The following RSRC1 variants were observed in gnomAD, a reference collection of about 807,000 sequenced individuals.
RSRC1 encodes the protein serine/Arginine-related protein 53.
A neutral mutation model predicts 49.1 loss-of-function variants in RSRC1; 39 were observed. The observed-to-expected ratio is 0.79, with a 90% CI of 0.61 to 1.04. RSRC1 has a LOEUF of 1.04. RSRC1 is among the 50% of genes least tolerant of loss of function. The pLI, the probability that RSRC1 is intolerant of heterozygous loss-of-function variation, is 0.00. For synonymous variants in RSRC1, 143 were observed against 130.8 expected (o/e 1.09, Z -0.63); for missense variants, 388 against 402.4 (o/e 0.96, Z 0.31).
At chr3:158,284,680 A>G (rs1233923094) in intron 4 of RSRC1, among the ~76,000 whole-genome samples, 1 of 151,908 alleles carries the variant, frequency 6.6e-6, no homozygotes, top group African/African-American at 2.4e-5. Flanking sequence ...TTTTGGCTGC[A>G]TAAATGCCTT....
At chr3:158,354,947 G>T in intron 6 of RSRC1, 39 bp downstream of exon 6, 1 of 1,407,524 alleles carries the variant, frequency 7.1e-7, no homozygotes, top group East Asian at 2.5e-5. Context: ...ATGAAGAAGT[G>T]ACGAGTAAAC....
chr3:158,474,631 T>TG (rs1738288849), intron 7 of RSRC1, among the ~76,000 whole-genome samples: 1 of 152,222 alleles, frequency 6.6e-6, no homozygotes, highest in Non-Finnish European at 1.5e-5. Context: ...TTTCAAAAGT[T>TG]GGAGTCAATC....
In RSRC1 at chr3:158,271,601, AT is replaced by A. The variant is rs894832911; in HGVS notation, c.495-26433del. ...GCTTTTTTAAATATATAGTTTCAATATTTTTGCAAAAATAATTATATAGCTA... is the reference window on the plus strand; with the variant it reads ...GCTTTTTTAAATATATAGTTTCAATATTTTGCAAAAATAATTATATAGCTA... On this transcript the variant is annotated intron_variant, in intron 4 of 9. Coordinates refer to ENST00000611884, the MANE Select transcript of RSRC1 (RefSeq NM_001271838.2). 1.4e-4 allele frequency among the ~76,000 whole-genome samples: 21 copies of A among 152,220 alleles called. No homozygotes were observed. The South Asian group carries it at 2.5e-3, about 18-fold the overall frequency.
At chr3:158,294,764 G>A (rs1271559989) in intron 4 of RSRC1, among the ~76,000 whole-genome samples, 1 of 152,056 alleles carries the variant, frequency 6.6e-6, no homozygotes, top group African/African-American at 2.4e-5. Flanking sequence ...GCACATACAG[G>A]CACCTGTGCC....
At chr3:158,535,848 A>G (rs1712683728) in intron 7 of RSRC1, among the ~76,000 whole-genome samples, 1 of 151,502 alleles carries the variant, frequency 6.6e-6, no homozygotes, top group Non-Finnish European at 1.5e-5. Context: ...TGATAAATAA[A>G]GAGAAAGAAT....
intron 4 of RSRC1, among the ~76,000 whole-genome samples, chr3:158,238,157 C>T (rs80215354): frequency 6.6e-6 from 1 of 152,080 alleles, no homozygotes; most frequent in Admixed American, 6.6e-5. Context: ...ATCCAACTTA[C>T]AAGGGATGTG....
At chr3:158,387,877 T>C (rs1733049744) in intron 6 of RSRC1, among the ~76,000 whole-genome samples, 1 of 152,148 alleles carries the variant, frequency 6.6e-6, no homozygotes, top group Non-Finnish European at 1.5e-5. Context: ...TTATCCTCAC[T>C]AGAGGTTCTT....
At chr3:158,403,938 A>C (rs894415604) in intron 6 of RSRC1, among the ~76,000 whole-genome samples, 1 of 151,860 alleles carries the variant, frequency 6.6e-6, no homozygotes, top group Non-Finnish European at 1.5e-5. Flanking sequence ...TCAAAATTCC[A>C]CTTAATGTGA....
At chr3:158,188,414 TGATCTACCTGAA>T (rs2108261324) in intron 3 of RSRC1, among the ~76,000 whole-genome samples, 1 of 151,976 alleles carries the variant, frequency 6.6e-6, no homozygotes, top group South Asian at 2.1e-4. Flanking sequence ...CTAGCCACCT[TGATCTACCTGAA>T]GGTCTGTCTC....
chr3:158,247,758 C>T (rs776297700), intron 4 of RSRC1, among the ~76,000 whole-genome samples: 9 of 152,086 alleles, frequency 5.9e-5, no homozygotes, highest in Non-Finnish European at 1.3e-4. Flanking sequence ...GGCAGCCTGC[C>T]CCTTCCTCTA....
intron 4 of RSRC1, among the ~76,000 whole-genome samples, chr3:158,224,798 A>G (rs1178360573): frequency 6.6e-6 from 1 of 151,858 alleles, no homozygotes; most frequent in African/African-American, 2.4e-5. Context: ...AATTATTTTT[A>G]TGAACAAGCT....
intron 5 of RSRC1, among the ~76,000 whole-genome samples, chr3:158,311,566 C>G (rs73168703): frequency 0.12 from 18,411 of 151,736 alleles, 1,359 homozygotes; most frequent in Middle Eastern, 0.19. Context: ...TCCCTACTCC[C>G]CTTTTCCTCT....
chr3:158,150,056 A>T (rs1190071398), intron 3 of RSRC1, among the ~76,000 whole-genome samples: 1 of 152,192 alleles, frequency 6.6e-6, no homozygotes, highest in Non-Finnish European at 1.5e-5. Flanking sequence ...GTCTTCTCTT[A>T]TGTAAACTTT....
intron 5 of RSRC1, among the ~76,000 whole-genome samples, chr3:158,319,860 T>C (rs1323522236): frequency 6.6e-6 from 1 of 152,210 alleles, no homozygotes; most frequent in African/African-American, 2.4e-5. Flanking sequence ...ATTCTATGAA[T>C]TACCTGATCA....
intron 6 of RSRC1, among the ~76,000 whole-genome samples, chr3:158,399,560 G>A (rs1048509245): frequency 3.3e-5 from 5 of 152,122 alleles, no homozygotes; most frequent in Non-Finnish European, 5.9e-5. Flanking sequence ...GCAACATGTG[G>A]CTATTTACAT....
intron 7 of RSRC1, among the ~76,000 whole-genome samples, chr3:158,518,762 C>T (rs185933588): frequency 6.6e-6 from 1 of 152,118 alleles, no homozygotes; most frequent in Non-Finnish European, 1.5e-5. Context: ...ACCGACCACA[C>T]TATTCTTCTG....
chr3:158,210,925 A>G (rs1204586954), intron 4 of RSRC1, among the ~76,000 whole-genome samples: 2 of 152,056 alleles, frequency 1.3e-5, no homozygotes, highest in Non-Finnish European at 1.5e-5. Flanking sequence ...CTTAAATGGC[A>G]TGAATTGTAG....
chr3:158,175,450 G>A (rs941349760), intron 3 of RSRC1, among the ~76,000 whole-genome samples: 2 of 151,566 alleles, frequency 1.3e-5, no homozygotes, highest in Non-Finnish European at 2.9e-5. Context: ...CTTAAATCTG[G>A]TATTTATTTT....
chr3:158,288,477 G>C (rs1281888146), intron 4 of RSRC1, among the ~76,000 whole-genome samples: 1 of 152,206 alleles, frequency 6.6e-6, no homozygotes, highest in Non-Finnish European at 1.5e-5. Context: ...CAGTTGGAAA[G>C]AGAGTTGTCA....
Sources: allele counts gnomAD v4.1 joint callset (sites outside exome capture counted in the v4.1 genomes callset), GRCh38; gene constraint gnomAD v4.1.1; transcripts MANE v1.5; gene names NCBI Gene and HGNC (gene_info 2026-07-23, HGNC 2026-07-21).